The following C5orf47 variants were observed in gnomAD, a reference collection of about 807,000 sequenced individuals.
The protein encoded by C5orf47 is chromosome 5 open reading frame 47.
Under a neutral mutation model 20.6 loss-of-function variants are expected in C5orf47, and 20 were observed. The ratio of observed to expected loss-of-function variants is 0.97; its 90% confidence interval spans 0.68 to 1.41. The LOEUF (loss-of-function observed/expected upper bound fraction) is 1.41, where lower values mean the gene tolerates loss of function less well. Among genes scored for constraint, C5orf47 ranks in the 40% most tolerant of loss-of-function variants. The pLI is 0.00. For missense variants in C5orf47, 262 were observed against 238.4 expected, an observed-to-expected ratio of 1.10 and a Z score of -0.65; for synonymous variants, 106 against 97.3, an observed-to-expected ratio of 1.09 and a Z score of -0.53.
chr5:174,008,095 A>C (rs753602647), downstream of C5orf47, among the ~76,000 whole-genome samples: 1 of 152,210 alleles, frequency 6.6e-6, no homozygotes, highest in Non-Finnish European at 1.5e-5. Flanking sequence ...TAGGAGTCCA[A>C]CGTAGAAAGC....
chr5:173,998,060 C>A, intron 1 of C5orf47, 93 bp from the exon 2 acceptor site: 1 of 732,272 alleles, frequency 1.4e-6, no homozygotes, highest in Non-Finnish European at 2.3e-6. Flanking sequence ...TAAAAATCCC[C>A]AAGGAGACCT....
In C5orf47 at chr5:174,004,483, CAAGT is replaced by C. The variant is rs1759252145; in HGVS notation, c.*230_*233del. 1 of 152,164 alleles carries C rather than the reference CAAGT, an allele frequency of 6.6e-6. No individual in the cohort carries two copies. Among genetic ancestry groups the C allele is most frequent in the Admixed American group, 6.6e-5 (1 of 15,266 alleles). The allele number at this position is 152,164 out of a possible 1,614,324, so 9.4% of individuals were successfully genotyped here. On this transcript the variant is annotated 3_prime_UTR_variant, in exon 5 of 5. Coordinates refer to ENST00000340147, the MANE Select transcript of C5orf47 (RefSeq NM_001144954.2). ...TTAAATATTGTTAACCATATGCATG[CAAGT>C]GTTATTTTCAGAATTAATGCTTATT...
At chr5:174,000,068 C>T (rs911454602) in intron 3 of C5orf47, among the ~76,000 whole-genome samples, 5 of 152,092 alleles carry the variant, frequency 3.3e-5, no homozygotes, top group Admixed American at 6.5e-5. Flanking sequence ...AGGGAACATA[C>T]TTTTCTGTTA....
At chr5:174,003,729 T>C (rs1759238277) in intron 4 of C5orf47, among the ~76,000 whole-genome samples, 1 of 152,048 alleles carries the variant, frequency 6.6e-6, no homozygotes, top group Non-Finnish European at 1.5e-5. Flanking sequence ...AGGGACTTAA[T>C]CAGGAGTAAT....
intron 1 of C5orf47, 127 bp from the exon 2 acceptor site, chr5:173,998,026 T>C: frequency 1.7e-6 from 1 of 606,016 alleles, no homozygotes; most frequent in East Asian, 3.1e-5. Context: ...TATTACCTGG[T>C]GATCAGAAAT....
rs1337236256 is a variant in C5orf47 at position 173,990,124 on chromosome 5, A to ATT, written c.325+536_325+537insTT. ...AAATGCTCACTGTGTATAGGAAGCC[A>ATT]ATTTTTTTTTTTTTTTTTTGAGACG... On this transcript the variant is annotated intron_variant, in intron 1 of 4. Transcript: ENST00000340147. 9.8e-4 allele frequency among the ~76,000 whole-genome samples: 127 copies of ATT among 130,112 alleles called. 1 individual carries two copies. In the Middle Eastern group the frequency reaches 0.012, roughly 12 times the overall value. 85.4% of individuals were successfully genotyped at this position (130,112 alleles called of 152,430 possible).
At chr5:173,993,835 T>C (rs1759041529) in intron 1 of C5orf47, among the ~76,000 whole-genome samples, 1 of 152,240 alleles carries the variant, frequency 6.6e-6, no homozygotes, top group Non-Finnish European at 1.5e-5. Flanking sequence ...GTAATTGTGG[T>C]TTTGGACCTT....
intron 4 of C5orf47, among the ~76,000 whole-genome samples, chr5:174,003,752 T>A (rs907096762): frequency 3.3e-5 from 5 of 151,982 alleles, no homozygotes; most frequent in Non-Finnish European, 7.4e-5. Context: ...GAGAGATGAT[T>A]GTGGGGCTGA....
In C5orf47 at chr5:173,989,241, G is replaced by C; in HGVS notation, c.-23G>C. On this transcript the variant is annotated 5_prime_UTR_variant, in exon 1 of 5. Coordinates refer to ENST00000340147, the MANE Select transcript of C5orf47 (RefSeq NM_001144954.2). ...GTGGCGTCGTGTTTGCTGAGGGCCC[G>C]GCTGCCGTTGACTGAGGCTGCGATG... 1 of 1,371,372 alleles carries C rather than the reference G, an allele frequency of 7.3e-7. No homozygotes were observed. The highest frequency in any genetic ancestry group is 9.4e-7 in the Non-Finnish European group (1 of 1,062,126). 85.0% of individuals were successfully genotyped at this position (1,371,372 alleles called of 1,614,324 possible).
chr5:174,007,416 A>T (rs1384796971), downstream of C5orf47, among the ~76,000 whole-genome samples: 1 of 152,236 alleles, frequency 6.6e-6, no homozygotes, highest in Admixed American at 6.5e-5. Flanking sequence ...TGCCATTGTT[A>T]GAGCAGGAGC....
chr5:173,989,632 A>G lies in C5orf47; in HGVS notation c.325+44A>G, dbSNP rs1009030828. Reference sequence around the variant, plus strand: ...GCGGGACCGGGCGCGGCGGGGCGGGACGGGGCGGAGCGGGCTCAGCTGCTG... The same window carrying G: ...GCGGGACCGGGCGCGGCGGGGCGGGGCGGGGCGGAGCGGGCTCAGCTGCTG... On this transcript the variant is annotated intron_variant, in intron 1 of 4. Coordinates refer to ENST00000340147, the MANE Select transcript of C5orf47 (RefSeq NM_001144954.2). 13 of 1,357,200 alleles carry G rather than the reference A, an allele frequency of 9.6e-6. No individual in the cohort carries two copies. The East Asian group carries it at 2.7e-4, about 28-fold the overall frequency. The allele number at this position is 1,357,200 out of a possible 1,614,324, so 84.1% of individuals were successfully genotyped here.
At position 174,002,270 on chromosome 5, in the gene C5orf47, T is replaced by C. The variant is rs6889866; in HGVS notation, c.*16+1039T>C. On this transcript the variant is annotated intron_variant, in intron 4 of 4. Coordinates refer to ENST00000340147, the MANE Select transcript of C5orf47 (RefSeq NM_001144954.2). ...GTCACTGTGTCCAGCCGAGAGTATA[T>C]TTTAGACATGAACATGAGCAAATTC... Among the ~76,000 whole-genome samples the C allele has an allele frequency of 4.8e-3, 733 of 152,202 alleles. 5 individuals are homozygous for C. Among genetic ancestry groups the C allele is most frequent in the African/African-American group, 0.017 (695 of 41,510 alleles).
chr5:173,995,221 T>C (rs1759067803), intron 1 of C5orf47, among the ~76,000 whole-genome samples: 1 of 152,250 alleles, frequency 6.6e-6, no homozygotes, highest in South Asian at 2.1e-4. Context: ...GTGTGAGCAC[T>C]AGGTCAGATG....
intron 1 of C5orf47, among the ~76,000 whole-genome samples, chr5:173,991,363 A>T (rs923518986): frequency 6.6e-6 from 1 of 152,134 alleles, no homozygotes. Flanking sequence ...AGTATTGGAG[A>T]TAGCGGGCAT....
chr5:174,007,700 G>A (rs1238773377), downstream of C5orf47, among the ~76,000 whole-genome samples: 1 of 152,034 alleles, frequency 6.6e-6, no homozygotes, highest in African/African-American at 2.4e-5. Flanking sequence ...TGGGACTACA[G>A]GTGTGTGCCA....
chr5:173,999,564 C>T (rs1035280016), intron 2 of C5orf47, 136 bp from the exon 3 acceptor site: 1 of 407,810 alleles, frequency 2.5e-6, no homozygotes, highest in African/African-American at 2.1e-5. Context: ...GGTTTTAGTT[C>T]TCTAAATGCT....
chr5:173,994,227 GC>G (rs1289472776), intron 1 of C5orf47, among the ~76,000 whole-genome samples: 8 of 152,300 alleles, frequency 5.3e-5, no homozygotes, highest in African/African-American at 1.7e-4. Context: ...TGCAGGCGTT[GC>G]AGTTTTCGGT....
chr5:173,989,599 G>C lies in C5orf47; in HGVS notation c.325+11G>C, dbSNP rs749262873. 2 of 1,425,324 alleles carry C rather than the reference G, an allele frequency of 1.4e-6. No individual in the cohort carries two copies. Among genetic ancestry groups the C allele is most frequent in the Admixed American group, 2.8e-5 (1 of 35,622 alleles). 88.3% of individuals were successfully genotyped at this position (1,425,324 alleles called of 1,614,324 possible). ...AGTCGGCGCGTGCAGGTGGTGCAGC[G>C]GGGCAGGGCGGGACCGGGCGCGGCG... On this transcript the variant is annotated intron_variant, in intron 1 of 4. Coordinates refer to ENST00000340147, the MANE Select transcript of C5orf47 (RefSeq NM_001144954.2).
intron 1 of C5orf47, among the ~76,000 whole-genome samples, chr5:173,996,811 G>A (rs1438016674): frequency 1.3e-5 from 2 of 152,174 alleles, no homozygotes; most frequent in Admixed American, 1.3e-4. Context: ...AGAGTTGTCT[G>A]TGGTCACGAA....
Sources: allele counts gnomAD v4.1 joint callset (sites outside exome capture counted in the v4.1 genomes callset), GRCh38; gene constraint gnomAD v4.1.1; transcripts MANE v1.5; gene names NCBI Gene and HGNC (gene_info 2026-07-23, HGNC 2026-07-21).